Variants in TRIM69 observed in about 807,000 individuals in gnomAD.
The protein encoded by TRIM69 is E3 ubiquitin-protein ligase TRIM69.
In TRIM69, 29 loss-of-function variants were observed where a neutral mutation model predicts 37.7. The observed-to-expected ratio is 0.77, with a 90% CI of 0.57 to 1.05. TRIM69 has a LOEUF of 1.05. TRIM69 is among the 50% of genes least tolerant of loss of function. The pLI is 0.00. For missense variants in TRIM69, 596 were observed against 579.9 expected, an observed-to-expected ratio of 1.03 and a Z score of -0.28; for synonymous variants, 209 against 212.4, an observed-to-expected ratio of 0.98 and a Z score of 0.14.
chr15:44,736,780 G>T, intron 1 of TRIM69, 70 bp downstream of exon 1: 1 of 1,570,406 alleles, frequency 6.4e-7, no homozygotes, highest in South Asian at 1.1e-5. Flanking sequence ...GATCATAGAA[G>T]AGGATATGGA....
chr15:44,754,693 C>T (rs183098618), intron 1 of TRIM69: 43 of 553,124 alleles, frequency 7.8e-5, no homozygotes, highest in Admixed American at 7.7e-4. Flanking sequence ...TCTTCCTCTG[C>T]CTTGATTCTT....
At chr15:44,756,572 G>A (rs1901002304) in intron 3 of TRIM69, 109 bp downstream of exon 3, 1 of 688,002 alleles carries the variant, frequency 1.5e-6, no homozygotes, top group African/African-American at 1.8e-5. Flanking sequence ...ACACTAAATG[G>A]TACCTAGGCT....
intron 1 of TRIM69, among the ~76,000 whole-genome samples, chr15:44,741,152 A>G (rs2087275331): frequency 1.3e-5 from 2 of 152,106 alleles, no homozygotes; most frequent in South Asian, 4.2e-4. Flanking sequence ...AGAACTCAGG[A>G]TTAAGAAACT....
At chr15:44,739,835 T>C (rs528086400) in intron 1 of TRIM69, among the ~76,000 whole-genome samples, 131 of 151,914 alleles carry the variant, frequency 8.6e-4, no homozygotes, top group African/African-American at 2.7e-3. Context: ...CAGTAACCTC[T>C]GCAGACTTAA....
At chr15:44,743,156 T>C (rs1194613013) in intron 1 of TRIM69, among the ~76,000 whole-genome samples, 5 of 151,994 alleles carry the variant, frequency 3.3e-5, no homozygotes, top group Non-Finnish European at 7.4e-5. Context: ...TCAGAAATAA[T>C]GCCGCATATC....
rs1342510359 is a variant in TRIM69, at chr15:44,736,678, C to G, written c.-27C>G. On this transcript the variant is annotated 5_prime_UTR_variant, in exon 1 of 7. Transcript: ENST00000329464. Reference sequence around the variant, plus strand: ...GCTGAGCTCTGATTCAAGTGCCTGCCTCTGCCCCTTGGTGGGCTGAAGCTT... The same window carrying G: ...GCTGAGCTCTGATTCAAGTGCCTGCGTCTGCCCCTTGGTGGGCTGAAGCTT... 6.2e-7 allele frequency: 1 copy of G among 1,611,818 alleles called. No individual in the cohort carries two copies. Among genetic ancestry groups the G allele is most frequent in the African/African-American group, 1.3e-5 (1 of 74,634 alleles).
chr15:44,759,606 G>C, intron 4 of TRIM69, 34 bp from the exon 5 acceptor site: 1 of 1,609,762 alleles, frequency 6.2e-7, no homozygotes, highest in East Asian at 2.2e-5. Context: ...TTGATGAACG[G>C]GCATCTGATG....
chr15:44,762,880 C>T (rs1164535740), intron 6 of TRIM69, among the ~76,000 whole-genome samples: 1 of 151,938 alleles, frequency 6.6e-6, no homozygotes, highest in Admixed American at 6.6e-5. Flanking sequence ...TTTCCTGCTG[C>T]TTTGTATGGC....
intron 6 of TRIM69, among the ~76,000 whole-genome samples, chr15:44,762,736 G>A (rs1042827760): frequency 3.0e-4 from 46 of 151,866 alleles, no homozygotes; most frequent in African/African-American, 1.1e-3. Context: ...TTCTCACCAT[G>A]TTCATGCCTT....
rs548187080 is a variant in TRIM69 at position 44,743,898 on chromosome 15, T to G, written c.6+7188T>G. On this transcript the variant is annotated intron_variant, in intron 1 of 6. Coordinates refer to ENST00000329464, the MANE Select transcript of TRIM69 (RefSeq NM_182985.5). The stretch of plus-strand genomic sequence containing the variant: ...TCAACCATTGTGGAAGTCAGTGTGG[T>G]GATTCCTCAGGGATCTAGAACTAGA... 3.3e-3 allele frequency among the ~76,000 whole-genome samples: 508 copies of G among 152,296 alleles called. 2 individuals carry two copies. The highest frequency in any genetic ancestry group is 0.012 in the African/African-American group (486 of 41,570).
intron 1 of TRIM69, among the ~76,000 whole-genome samples, chr15:44,744,303 T>C (rs2087355561): frequency 1.0e-5 from 1 of 99,516 alleles, no homozygotes; most frequent in Admixed American, 1.3e-4. Flanking sequence ...CTGGGGACTG[T>C]TGTGGGGTGG....
At position 44,764,997 on chromosome 15, in the gene TRIM69, CATA is replaced by C. The variant is rs2087856100; in HGVS notation, c.962-2232_962-2230del. Among the ~76,000 whole-genome samples the C allele has an allele frequency of 2.6e-5, 4 of 152,108 alleles. No individual in the cohort carries two copies. The South Asian group carries it at 8.3e-4, about 32-fold the overall frequency. On this transcript the variant is annotated intron_variant, in intron 6 of 6. Transcript: ENST00000329464. The stretch of plus-strand genomic sequence containing the variant: ...ATTTTATCTCAGATGTGATGGTAAA[CATA>C]AGAGTATGCTGAGCAGGGAAATGGC...
chr15:44,757,186 A>G (rs1198991420), intron 3 of TRIM69: 2 of 152,192 alleles, frequency 1.3e-5, no homozygotes, highest in Non-Finnish European at 2.9e-5. Flanking sequence ...AAAAGTTCCT[A>G]TTAGTGTGAG....
In TRIM69 at chr15:44,758,718, G is replaced by A. The variant is rs772381622; in HGVS notation, c.677G>A (p.Arg226Gln). ...SKEKDILTEL[R>Q]EEGKALNEEM... ...GAAAAGGACATTTTAACTGAGCTCC[G>A]GGAAGAGGGGAAAGCCTTGAATGAG... Residue 226 changes from arginine (R) to glutamine (Q), a missense_variant, in exon 4 of 7, where the codon CGG becomes CAG. Physicochemically the swap from Arg to Gln is conservative, Grantham distance 43 (BLOSUM62 1). Transcript: ENST00000329464. 8.1e-6 allele frequency: 13 copies of A among 1,613,994 alleles called. No homozygotes were observed. Among genetic ancestry groups the A allele is most frequent in the African/African-American group, 4.0e-5 (3 of 74,900 alleles).
chr15:44,752,999 T>C (rs1161980100), intron 1 of TRIM69: 3 of 152,226 alleles, frequency 2.0e-5, no homozygotes, highest in Non-Finnish European at 4.4e-5. Context: ...ACTATTGTTT[T>C]GTGCATTTGT....
At chr15:44,752,176 TTC>T (rs1456413078) in intron 1 of TRIM69, among the ~76,000 whole-genome samples, 26 of 152,320 alleles carry the variant, frequency 1.7e-4, no homozygotes, top group Non-Finnish European at 3.7e-4. Context: ...CCAGTTTTTC[TTC>T]TGTTATTGAT....
At chr15:44,761,809 T>G (rs1405112830) in intron 6 of TRIM69, among the ~76,000 whole-genome samples, 1 of 152,204 alleles carries the variant, frequency 6.6e-6, no homozygotes, top group African/African-American at 2.4e-5. Flanking sequence ...TTTCAGGTGC[T>G]TCCTTGCCAT....
At chr15:44,751,783 T>C (rs2087537985) in intron 1 of TRIM69, among the ~76,000 whole-genome samples, 1 of 152,216 alleles carries the variant, frequency 6.6e-6, no homozygotes, top group South Asian at 2.1e-4. Flanking sequence ...TCTTGTTTTG[T>C]CACCCATGCT....
In TRIM69 at chr15:44,754,969, C is replaced by G; in HGVS notation, c.76C>G (p.Leu26Val). 6.2e-7 allele frequency: 1 copy of G among 1,614,184 alleles called. No individual in the cohort carries two copies. Among genetic ancestry groups the G allele is most frequent in the Admixed American group, 1.7e-5 (1 of 60,024 alleles). Reference protein sequence around the residue: ...YVEMNDSITHLPSKVVIQDIT... With the variant: ...YVEMNDSITHVPSKVVIQDIT... ...TGAAATGAATGATTCAATCACCCACCTACCCTCTAAAGTGGTGATACAAGA... is the reference window on the plus strand; with the variant it reads ...TGAAATGAATGATTCAATCACCCACGTACCCTCTAAAGTGGTGATACAAGA... Residue 26 changes from leucine (L) to valine (V), a missense_variant, in exon 2 of 7, where the codon CTA (leucine) becomes GTA (valine). Coordinates refer to ENST00000329464, the MANE Select transcript of TRIM69 (RefSeq NM_182985.5).
Sources: gnomAD v4.1 joint callset for allele counts (sites outside exome capture counted in the v4.1 genomes callset) on GRCh38, gnomAD v4.1.1 for gene constraint, MANE v1.5 for transcripts, NCBI Gene and HGNC (gene_info 2026-07-23, HGNC 2026-07-21) for gene names.